DST: variants seen among roughly 807,000 people sequenced by gnomAD.
The protein encoded by DST is dystonin.
Under a neutral mutation model 875.2 loss-of-function variants are expected in DST, and 253 were observed. That is an observed-to-expected ratio of 0.29 (90% CI 0.26 to 0.32). DST has a LOEUF of 0.32. DST is among the 10% of genes least tolerant of loss of function. The pLI is 1.00. For synonymous variants in DST, 3,124 were observed against 3,197.1 expected, an observed-to-expected ratio of 0.98 and a Z score of 0.77; for missense variants, 8,287 against 9,111.6, an observed-to-expected ratio of 0.91 and a Z score of 3.68.
intron 3 of DST, among the ~76,000 whole-genome samples, chr6:56,873,884 A>G (rs80015572): frequency 2.0e-5 from 3 of 152,192 alleles, no homozygotes; most frequent in African/African-American, 7.2e-5. Context: ...CAAAAGAATG[A>G]TAAATGTTTG....
chr6:56,921,374 T>C (rs1592515949), intron 2 of DST, among the ~76,000 whole-genome samples: 1 of 152,212 alleles, frequency 6.6e-6, no homozygotes, highest in African/African-American at 2.4e-5. Flanking sequence ...AGAAAATCAG[T>C]TGACATCAAG....
chr6:56,631,437 A>G, intron 29 of DST, 48 bp from the exon 30 acceptor site: 1 of 1,528,148 alleles, frequency 6.5e-7, no homozygotes, highest in Non-Finnish European at 9.0e-7. Context: ...ACCTGTGATG[A>G]GGTGTTTTTC....
intron 2 of DST, among the ~76,000 whole-genome samples, chr6:56,937,901 G>C (rs1813852793): frequency 6.6e-6 from 1 of 152,070 alleles, no homozygotes; most frequent in Non-Finnish European, 1.5e-5. Context: ...AGCCAGATGT[G>C]AAAGACTACA....
chr6:56,688,634 CA>C (rs1376258957), intron 9 of DST, among the ~76,000 whole-genome samples: 1 of 152,148 alleles, frequency 6.6e-6, no homozygotes, highest in African/African-American at 2.4e-5. Flanking sequence ...AACAGAAATG[CA>C]GTTCAATTTT....
rs372518403 is a variant in DST, at chr6:56,607,600, A to G, written c.7028T>C (p.Leu2343Pro). 58 of 1,613,006 alleles carry G rather than the reference A, an allele frequency of 3.6e-5. No individual in the cohort carries two copies. The highest frequency in any genetic ancestry group is 4.6e-5 in the Non-Finnish European group (54 of 1,179,538). ...TTCAGTCTGTGTTAAATATGATATG[A>G]GACTGGGAACACACACACTGGGTGA... ...NSSPSVCVPS[L>P]ISYLTQTELA... The change falls in exon 40 of 104, where the codon CTC (leucine) becomes CCC (proline). Residue 2343 changes from leucine to proline, a missense_variant. Coordinates refer to ENST00000680361, the MANE Select transcript of DST (RefSeq NM_001374736.1).
At chr6:56,577,075 T>C (rs1585345119) in intron 50 of DST, among the ~76,000 whole-genome samples, 1 of 152,178 alleles carries the variant, frequency 6.6e-6, no homozygotes, top group African/African-American at 2.4e-5. Context: ...TTTTAAATCA[T>C]TGGTTTTCTT....
At chr6:56,586,959 GA>G in intron 49 of DST, among the ~76,000 whole-genome samples, 1 of 152,084 alleles carries the variant, frequency 6.6e-6, no homozygotes, top group East Asian at 1.9e-4. Context: ...CAAAGATGGG[GA>G]AAAAACAGAG....
intron 62 of DST, among the ~76,000 whole-genome samples, chr6:56,536,486 C>T (rs1303861690): frequency 6.6e-6 from 1 of 152,170 alleles, no homozygotes; most frequent in East Asian, 1.9e-4. Flanking sequence ...GTGACCTGTA[C>T]CTTTACAGAT....
At chr6:56,668,554 T>C (rs6459167) in intron 10 of DST, among the ~76,000 whole-genome samples, 23,232 of 151,848 alleles carry the variant, frequency 0.15, 4,276 homozygotes, top group African/African-American at 0.45. Context: ...CCAGCCTGGC[T>C]GACATGGTGA....
At chr6:56,873,475 T>A (rs553188967) in intron 3 of DST, among the ~76,000 whole-genome samples, 1 of 152,154 alleles carries the variant, frequency 6.6e-6, no homozygotes, top group African/African-American at 2.4e-5. Context: ...CATCAATGGA[T>A]GAAATTATAA....
intron 55 of DST, among the ~76,000 whole-genome samples, chr6:56,566,442 C>T (rs2097679639): frequency 6.6e-6 from 1 of 152,154 alleles, no homozygotes; most frequent in African/African-American, 2.4e-5. Flanking sequence ...CTTCCCTTGG[C>T]TAGGCAGGGA....
chr6:56,668,335 C>T (rs1281831576), intron 10 of DST, among the ~76,000 whole-genome samples: 1 of 152,178 alleles, frequency 6.6e-6, no homozygotes, highest in Non-Finnish European at 1.5e-5. Flanking sequence ...CAAGTGTAGG[C>T]AAGTTGATCC....
intron 49 of DST, among the ~76,000 whole-genome samples, chr6:56,586,635 G>GAGCAGCCT (rs1194647431): frequency 1.3e-5 from 2 of 152,060 alleles, no homozygotes; most frequent in Non-Finnish European, 2.9e-5. Flanking sequence ...CCTGACCCCC[G>GAGCAGCCT]AGCAGCCTAA....
In DST at chr6:56,640,414, G is replaced by A; in HGVS notation, c.2219C>T (p.Ser740Phe). ...TSGLTQSLTPSLTSSSMTSGL... is the reference protein window; with the variant it reads ...TSGLTQSLTPFLTSSSMTSGL... Reference sequence around the variant, plus strand: ...AGAAGTCATACTAGAAGAGGTTAGGGAAGGTGTTAAACTCTGGGTCAGCCC... The same window carrying A: ...AGAAGTCATACTAGAAGAGGTTAGGAAAGGTGTTAAACTCTGGGTCAGCCC... The change falls in exon 18 of 104, where the codon TCC (serine) becomes TTC (phenylalanine). Residue 740 changes from serine (S) to phenylalanine (F), a missense_variant. Coordinates refer to ENST00000680361, the MANE Select transcript of DST (RefSeq NM_001374736.1). 1 of 1,614,146 alleles carries A rather than the reference G, an allele frequency of 6.2e-7. No homozygotes were observed. Among genetic ancestry groups the A allele is most frequent in the African/African-American group, 1.3e-5 (1 of 75,030 alleles).
At chr6:56,468,951 G>T (rs1458235772) in intron 98 of DST, 31 bp downstream of exon 98, 8 of 1,551,956 alleles carry the variant, frequency 5.2e-6, no homozygotes, top group Non-Finnish European at 7.0e-6. Context: ...AAATCATCAG[G>T]AACTTGAGAA....
At chr6:56,625,737 T>TAAA (rs557564533) in intron 34 of DST, among the ~76,000 whole-genome samples, 5 of 140,384 alleles carry the variant, frequency 3.6e-5, no homozygotes, top group African/African-American at 1.3e-4. Flanking sequence ...CCTACTTATT[T>TAAA]AAAAAAAAAA....
chr6:56,631,446 T>C, intron 29 of DST, 57 bp from the exon 30 acceptor site: 1 of 1,428,168 alleles, frequency 7.0e-7, no homozygotes, highest in Non-Finnish European at 9.8e-7. Flanking sequence ...GAGGTGTTTT[T>C]CTTAAACTAG....
At chr6:56,597,415 G>A (rs1269374907) in intron 47 of DST, among the ~76,000 whole-genome samples, 1 of 151,992 alleles carries the variant, frequency 6.6e-6, no homozygotes, top group Non-Finnish European at 1.5e-5. Flanking sequence ...AAACCCCAAG[G>A]AGTAACTGGG....
chr6:56,951,882 A>G (rs575947724), intron 2 of DST, among the ~76,000 whole-genome samples: 10 of 152,316 alleles, frequency 6.6e-5, no homozygotes, highest in Admixed American at 5.9e-4. Context: ...TTGAATTCTG[A>G]GCGATGTCCT....
Sources: gnomAD v4.1 joint callset for allele counts (sites outside exome capture counted in the v4.1 genomes callset) on GRCh38, gnomAD v4.1.1 for gene constraint, MANE v1.5 for transcripts, NCBI Gene and HGNC (gene_info 2026-07-23, HGNC 2026-07-21) for gene names.